Variants in TMTC1 observed in about 807,000 individuals in gnomAD.
The protein encoded by TMTC1 is transmembrane O-mannosyltransferase targeting cadherins 1.
A neutral mutation model predicts 104.8 loss-of-function variants in TMTC1; 73 were observed. That is an observed-to-expected ratio of 0.70 (90% CI 0.58 to 0.85). The LOEUF (loss-of-function observed/expected upper bound fraction) is 0.85. Ranked by LOEUF, TMTC1 falls within the 40% of genes least tolerant of loss-of-function variation. The pLI is 0.00. For synonymous variants in TMTC1, 434 were observed against 428.7 expected, an observed-to-expected ratio of 1.01 and a Z score of -0.15; for missense variants, 1,035 against 1,096.1, an observed-to-expected ratio of 0.94 and a Z score of 0.79.
Position 29,516,271 on chromosome 12 carries a change from G to A in TMTC1, c.2307+78C>T, listed in dbSNP as rs748286625. The A allele has an allele frequency of 3.7e-5, 55 of 1,501,078 alleles. 1 individual carries two copies. In the South Asian group the frequency reaches 4.6e-4, roughly 13 times the overall value. The allele number at this position is 1,501,078 out of a possible 1,614,324, so 93.0% of individuals were successfully genotyped here. A position where few individuals can be genotyped will look rare whatever the true frequency, so the allele number is the denominator to read the frequency against. On this transcript the variant is annotated intron_variant, in intron 15 of 17. Transcript: ENST00000539277. ...TAAGATTTCCCAGGCTTATAAACAC[G>A]CAAACTGGAGAATCACTTAGGTGCA...
chr12:29,579,433 T>C (rs996672260), intron 8 of TMTC1, among the ~76,000 whole-genome samples: 5 of 152,196 alleles, frequency 3.3e-5, no homozygotes, highest in African/African-American at 1.2e-4. Flanking sequence ...CTGGGAGGTA[T>C]TCTAAATTCT....
At chr12:29,531,935 A>G (rs1310133841) in intron 11 of TMTC1, among the ~76,000 whole-genome samples, 4 of 152,158 alleles carry the variant, frequency 2.6e-5, no homozygotes, top group Non-Finnish European at 4.4e-5. Context: ...CATCTAATGC[A>G]AGAGTGGCAG....
chr12:29,661,925 G>A (rs567140268), intron 5 of TMTC1, among the ~76,000 whole-genome samples: 17 of 152,260 alleles, frequency 1.1e-4, no homozygotes, highest in Admixed American at 3.9e-4. Flanking sequence ...CTCACTTATA[G>A]GAATTGGGAG....
chr12:29,578,464 T>C (rs1261250030), intron 8 of TMTC1, among the ~76,000 whole-genome samples: 1 of 152,198 alleles, frequency 6.6e-6, no homozygotes, highest in Non-Finnish European at 1.5e-5. Flanking sequence ...CCAGTTATTA[T>C]CATGGAAACA....
chr12:29,596,701 CTGACAA>C (rs1429557457), intron 7 of TMTC1, among the ~76,000 whole-genome samples: 8 of 152,214 alleles, frequency 5.3e-5, no homozygotes, highest in Admixed American at 4.6e-4. Flanking sequence ...GAGTGGCTCA[CTGACAA>C]GCCTACGTTG....
In TMTC1 at chr12:29,506,271, G is replaced by A. The variant is rs1430621183; in HGVS notation, c.*575C>T. 2.0e-5 allele frequency: 3 copies of A among 152,256 alleles called. No individual in the cohort carries two copies. The highest frequency in any genetic ancestry group is 2.9e-5 in the Non-Finnish European group (2 of 68,142). The allele number at this position is 152,256 out of a possible 1,614,324, so 9.4% of individuals were successfully genotyped here. A position where few individuals can be genotyped will look rare whatever the true frequency, so the allele number is the denominator to read the frequency against. On this transcript the variant is annotated 3_prime_UTR_variant, in exon 18 of 18. Coordinates refer to ENST00000539277, the MANE Select transcript of TMTC1 (RefSeq NM_001193451.2). ...AAAAAAGCACTAGTAAAACTCTTAGGAGGATATTAGATAAAGCTCACTTAG... is the reference window on the plus strand; with the variant it reads ...AAAAAAGCACTAGTAAAACTCTTAGAAGGATATTAGATAAAGCTCACTTAG...
chr12:29,577,921 T>C (rs1945868177), intron 8 of TMTC1, among the ~76,000 whole-genome samples: 1 of 152,132 alleles, frequency 6.6e-6, no homozygotes, highest in Non-Finnish European at 1.5e-5. Context: ...ATGGCTTTAA[T>C]AATCAAATTT....
At chr12:29,742,070 G>C (rs928650916) in intron 5 of TMTC1, among the ~76,000 whole-genome samples, 1 of 151,818 alleles carries the variant, frequency 6.6e-6, no homozygotes, top group African/African-American at 2.4e-5. Flanking sequence ...AATTACTTAA[G>C]GAAGCCAAAT....
intron 6 of TMTC1, among the ~76,000 whole-genome samples, chr12:29,610,459 C>T (rs767725128): frequency 5.9e-5 from 9 of 152,164 alleles, no homozygotes; most frequent in Non-Finnish European, 1.2e-4. Flanking sequence ...AAGTTTTGAA[C>T]GTTTACTGCT....
chr12:29,680,476 T>C (rs73271751), intron 5 of TMTC1, among the ~76,000 whole-genome samples: 10,586 of 152,236 alleles, frequency 0.07, 1,275 homozygotes, highest in African/African-American at 0.24. Context: ...AGCCCTTTCC[T>C]TTTATACATA....
intron 5 of TMTC1, chr12:29,641,006 G>A (rs1275906798): frequency 6.6e-6 from 1 of 152,122 alleles, no homozygotes; most frequent in Admixed American, 6.5e-5. Flanking sequence ...TGACTCAGCA[G>A]AGGCAGCCGT....
chr12:29,695,653 T>C (rs1048687685), intron 5 of TMTC1, among the ~76,000 whole-genome samples: 3 of 151,868 alleles, frequency 2.0e-5, no homozygotes, highest in Admixed American at 6.6e-5. Flanking sequence ...GGGGAGCCAC[T>C]ACTTAATACA....
At chr12:29,615,889 G>A (rs985823382) in intron 6 of TMTC1, among the ~76,000 whole-genome samples, 1 of 152,166 alleles carries the variant, frequency 6.6e-6, no homozygotes, top group African/African-American at 2.4e-5. Context: ...GCAAGGAAAT[G>A]TTTAAACATT....
chr12:29,744,176 G>T (rs1592000967), intron 5 of TMTC1, among the ~76,000 whole-genome samples: 2 of 152,304 alleles, frequency 1.3e-5, no homozygotes, highest in South Asian at 4.1e-4. Flanking sequence ...ACTGAGAAAG[G>T]AAAGAGCTTA....
At chr12:29,736,050 G>A (rs904663119) in intron 5 of TMTC1, among the ~76,000 whole-genome samples, 1 of 152,138 alleles carries the variant, frequency 6.6e-6, no homozygotes, top group Non-Finnish European at 1.5e-5. Flanking sequence ...AGATCGTCCA[G>A]TCCATTCTCT....
chr12:29,691,361 A>G (rs141834346), intron 5 of TMTC1, among the ~76,000 whole-genome samples: 1 of 152,238 alleles, frequency 6.6e-6, no homozygotes, highest in African/African-American at 2.4e-5. Context: ...CCAACTAATC[A>G]GCACTCCCCA....
intron 8 of TMTC1, among the ~76,000 whole-genome samples, chr12:29,575,408 A>C (rs1945793900): frequency 6.6e-6 from 1 of 151,988 alleles, no homozygotes; most frequent in African/African-American, 2.4e-5. Flanking sequence ...TTAAGAGGAG[A>C]ATTCCATACA....
rs574344202 is a variant in TMTC1 at position 29,691,099 on chromosome 12, G to A, written c.939-57763C>T. Among the ~76,000 whole-genome samples the A allele has an allele frequency of 2.0e-5, 3 of 152,324 alleles. No homozygotes were observed. The South Asian group carries it at 6.2e-4, about 32-fold the overall frequency. On this transcript the variant is annotated intron_variant, in intron 5 of 17. Coordinates refer to ENST00000539277, the MANE Select transcript of TMTC1 (RefSeq NM_001193451.2). ...CTGCCTTTGTAGGACTAACAGATCA[G>A]CTACAAGATTAGAAATTATGGTTTA...
intron 5 of TMTC1, among the ~76,000 whole-genome samples, chr12:29,716,321 G>A (rs1194537165): frequency 1.3e-5 from 2 of 152,008 alleles, no homozygotes; most frequent in African/African-American, 4.8e-5. Context: ...TACACCCAGA[G>A]ACTAGCATTA....
Sources: gnomAD v4.1 joint callset for allele counts (sites outside exome capture counted in the v4.1 genomes callset) on GRCh38, gnomAD v4.1.1 for gene constraint, MANE v1.5 for transcripts, NCBI Gene and HGNC (gene_info 2026-07-23, HGNC 2026-07-21) for gene names.